Variants in RFTN1 observed in about 807,000 individuals in gnomAD.
RFTN1 encodes the protein raftlin, lipid raft linker 1, also known as raftlin.
RFTN1 carries 26 observed loss-of-function variants against 46.5 expected under a neutral mutation model. The observed-to-expected ratio is 0.56, with a 90% CI of 0.41 to 0.78. The LOEUF is 0.78. Ranked by LOEUF, RFTN1 falls within the 30% of genes least tolerant of loss-of-function variation. The pLI is 0.00. For synonymous variants in RFTN1, 261 were observed against 284.2 expected, an observed-to-expected ratio of 0.92 and a Z score of 0.82; for missense variants, 693 against 718.7, an observed-to-expected ratio of 0.96 and a Z score of 0.41.
In RFTN1 at chr3:16,466,106, G is replaced by A. The variant is rs891077799; in HGVS notation, c.145+27619C>T. Among the ~76,000 whole-genome samples, 2 of 152,116 alleles carry A rather than the reference G, an allele frequency of 1.3e-5. No homozygotes were observed. The highest frequency in any genetic ancestry group is 2.4e-5 in the African/African-American group (1 of 41,410). On this transcript the variant is annotated intron_variant, in intron 2 of 9. Transcript: ENST00000334133. The surrounding 1 kb of genome is among the most constrained non-coding windows in gnomAD (Gnocchi z 5.6). Reference sequence around the variant, plus strand: ...GTGGCTCCCCAGTGCTCAATTTTGGGGTCCAAGCGCTTGAATGCAGGATAC... The same window carrying A: ...GTGGCTCCCCAGTGCTCAATTTTGGAGTCCAAGCGCTTGAATGCAGGATAC...
At chr3:16,497,202 A>G (rs1397612864) in intron 1 of RFTN1, among the ~76,000 whole-genome samples, 2 of 152,198 alleles carry the variant, frequency 1.3e-5, no homozygotes, top group Non-Finnish European at 2.9e-5. Flanking sequence ...GTGCTTTCCC[A>G]TACTTACACT....
rs1026466499 is a variant in RFTN1 at position 16,320,598 on chromosome 3, GAGA to G, written c.1332+2775_1332+2777del. Among the ~76,000 whole-genome samples, 6 of 152,246 alleles carry G rather than the reference GAGA, an allele frequency of 3.9e-5. No individual in the cohort carries two copies. The highest frequency in any genetic ancestry group is 6.5e-5 in the Admixed American group (1 of 15,290). ...AAAAGCCCAAAGGAGAGCTCTGAAG[GAGA>G]AGAACGTGGTTCTTTTCCAGGGTAG... On this transcript the variant is annotated intron_variant, in intron 9 of 9. Coordinates refer to ENST00000334133, the MANE Select transcript of RFTN1 (RefSeq NM_015150.2). This position sits in a 1 kb window ranked among gnomAD's most constrained non-coding sequence, Gnocchi z 4.5.
intron 6 of RFTN1, among the ~76,000 whole-genome samples, chr3:16,358,700 G>A (rs1410603876): frequency 6.6e-6 from 1 of 152,104 alleles, no homozygotes; most frequent in African/African-American, 2.4e-5. Flanking sequence ...GAAATGTATA[G>A]CATGATCAAG....
intron 2 of RFTN1, chr3:16,482,923 A>G (rs567737376): frequency 1.7e-6 from 2 of 1,203,570 alleles, no homozygotes; most frequent in South Asian, 2.8e-5. Flanking sequence ...GTCCCGCCCC[A>G]CCCAACTCTG....
rs868375518 is a variant in RFTN1 at position 16,426,577 on chromosome 3, G to A, written c.332+7274C>T. 1.3e-5 allele frequency among the ~76,000 whole-genome samples: 2 copies of A among 151,676 alleles called. No individual in the cohort carries two copies. The highest frequency in any genetic ancestry group is 4.9e-5 in the African/African-American group (2 of 41,226). The stretch of plus-strand genomic sequence containing the variant: ...TTTCTTTGAAGGCCATCCTTTGAAT[G>A]TCTTTTAAAAGAAAAAGAAGAGTGA... On this transcript the variant is annotated intron_variant, in intron 3 of 9. Coordinates refer to ENST00000334133, the MANE Select transcript of RFTN1 (RefSeq NM_015150.2). The surrounding 1 kb of genome is among the most constrained non-coding windows in gnomAD (Gnocchi z 5.9).
In RFTN1 at chr3:16,338,338, C is replaced by T. The variant is rs762020962; in HGVS notation, c.1147-11462G>A. Among the ~76,000 whole-genome samples the T allele has an allele frequency of 3.3e-5, 5 of 152,228 alleles. No homozygotes were observed. Among genetic ancestry groups the T allele is most frequent in the Admixed American group, 6.5e-5 (1 of 15,294 alleles). On this transcript the variant is annotated intron_variant, in intron 7 of 9. Transcript: ENST00000334133. The surrounding 1 kb of genome is among the most constrained non-coding windows in gnomAD (Gnocchi z 5.3). ...GAAGGTAATGAGGCCGGACATGCGG[C>T]GGCTAAGGGGCGATGGCTGGGGCCA... is the stretch of plus-strand genomic sequence containing the variant.
In RFTN1 at chr3:16,335,776, TA is replaced by T. The variant is rs540104859; in HGVS notation, c.1147-8901del. On this transcript the variant is annotated intron_variant, in intron 7 of 9. Coordinates refer to ENST00000334133, the MANE Select transcript of RFTN1 (RefSeq NM_015150.2). The surrounding 1 kb of genome is among the most constrained non-coding windows in gnomAD (Gnocchi z 4.7). ...ATCCTGCACTTGCACCCTGGAACTT[TA>T]AAAAAAAAAAAAAAAAAAGGAGTTT... Among the ~76,000 whole-genome samples the T allele has an allele frequency of 0.078, 10,604 of 136,586 alleles. 411 individuals are homozygous for T. The highest frequency in any genetic ancestry group is 0.16 in the East Asian group (747 of 4,640). The allele number at this position is 136,586 out of a possible 152,430, so 89.6% of individuals were successfully genotyped here.
intron 2 of RFTN1, among the ~76,000 whole-genome samples, chr3:16,486,937 C>T (rs1161539324): frequency 2.0e-5 from 3 of 152,208 alleles, no homozygotes; most frequent in Non-Finnish European, 4.4e-5. Context: ...CTTGTGCTCG[C>T]TCCTGTTCTC....
At position 16,336,882 on chromosome 3, in the gene RFTN1, T is replaced by G. The variant is rs1211711964; in HGVS notation, c.1147-10006A>C. 1.3e-5 allele frequency among the ~76,000 whole-genome samples: 2 copies of G among 152,190 alleles called. No homozygotes were observed. Among genetic ancestry groups the G allele is most frequent in the African/African-American group, 4.8e-5 (2 of 41,444 alleles). ...AAAAATAATAATTGTTATTATTACA[T>G]GAAACATATTGTTTGGAAGAATGGT... On this transcript the variant is annotated intron_variant, in intron 7 of 9. Coordinates refer to ENST00000334133, the MANE Select transcript of RFTN1 (RefSeq NM_015150.2). This position sits in a 1 kb window ranked among gnomAD's most constrained non-coding sequence, Gnocchi z 6.0.
chr3:16,448,026 CA>C lies in RFTN1; in HGVS notation c.146-13990del, dbSNP rs1402762129. ...TCCTCCCTTCCATCCAGGGAGCCAC[CA>C]GCCACATGTGGCTATCGAGCATCTG... is the stretch of plus-strand genomic sequence containing the variant. On this transcript the variant is annotated intron_variant, in intron 2 of 9. Coordinates refer to ENST00000334133, the MANE Select transcript of RFTN1 (RefSeq NM_015150.2). The surrounding 1 kb of genome is among the most constrained non-coding windows in gnomAD (Gnocchi z 4.1). Among the ~76,000 whole-genome samples, 1 of 151,562 alleles carries C rather than the reference CA, an allele frequency of 6.6e-6. No individual in the cohort carries two copies. Among genetic ancestry groups the C allele is most frequent in the Admixed American group, 6.6e-5 (1 of 15,238 alleles).
chr3:16,368,081 G>T (rs1272925245), intron 6 of RFTN1, among the ~76,000 whole-genome samples: 1 of 151,990 alleles, frequency 6.6e-6, no homozygotes, highest in Non-Finnish European at 1.5e-5. Context: ...GGGATGAAAG[G>T]AGCCACTGTT....
At chr3:16,372,505 C>G (rs1456691589) in intron 5 of RFTN1, among the ~76,000 whole-genome samples, 1 of 152,140 alleles carries the variant, frequency 6.6e-6, no homozygotes, top group African/African-American at 2.4e-5. Context: ...CTGCTACAGT[C>G]AAGCACAAAT....
chr3:16,400,470 T>C lies in RFTN1; in HGVS notation c.441+8905A>G, dbSNP rs140861900. Among the ~76,000 whole-genome samples the C allele has an allele frequency of 2.0e-5, 3 of 152,360 alleles. No individual in the cohort carries two copies. The highest frequency in any genetic ancestry group is 4.4e-5 in the Non-Finnish European group (3 of 68,038). On this transcript the variant is annotated intron_variant, in intron 4 of 9. Transcript: ENST00000334133. This position sits in a 1 kb window ranked among gnomAD's most constrained non-coding sequence, Gnocchi z 4.5. ...CCCTCATGTGCCCATCTGCTCTGTG[T>C]CTGTGCCCTCAGCTAGACTCTAAGT...
rs1263766504 is a variant in RFTN1, at chr3:16,404,275, A to T, written c.441+5100T>A. Among the ~76,000 whole-genome samples, 16 of 13,848 alleles carry T rather than the reference A, an allele frequency of 1.2e-3. 3 individuals are homozygous for T. The highest frequency in any genetic ancestry group is 2.4e-3 in the East Asian group (1 of 418). 9.1% of individuals were successfully genotyped at this position (13,848 alleles called of 152,430 possible). On this transcript the variant is annotated intron_variant, in intron 4 of 9. Coordinates refer to ENST00000334133, the MANE Select transcript of RFTN1 (RefSeq NM_015150.2). ...ATAATATATAATATATAATATATAT[A>T]ATATGTAATATATAATATATATAAT...
chr3:16,365,313 T>C (rs1231467776), intron 6 of RFTN1, among the ~76,000 whole-genome samples: 1 of 152,220 alleles, frequency 6.6e-6, no homozygotes, highest in Non-Finnish European at 1.5e-5. Flanking sequence ...ACTGGCATTA[T>C]TGAGCATCAT....
intron 8 of RFTN1, among the ~76,000 whole-genome samples, chr3:16,326,403 T>C (rs1409563166): frequency 6.6e-6 from 1 of 152,244 alleles, no homozygotes; most frequent in Non-Finnish European, 1.5e-5. Context: ...TTTTCTTTTC[T>C]TTTTGAGGAC....
At chr3:16,347,631 CCT>C (rs1291706625) in intron 7 of RFTN1, 1 of 152,232 alleles carries the variant, frequency 6.6e-6, no homozygotes, top group Non-Finnish European at 1.5e-5. Flanking sequence ...TGCACACTCA[CCT>C]CTGTGTGTAC....
At position 16,447,556 on chromosome 3, in the gene RFTN1, C is replaced by A. The variant is rs560305014; in HGVS notation, c.146-13519G>T. Among the ~76,000 whole-genome samples, 1 of 152,198 alleles carries A rather than the reference C, an allele frequency of 6.6e-6. No homozygotes were observed. The highest frequency in any genetic ancestry group is 1.5e-5 in the Non-Finnish European group (1 of 67,994). ...GCATTTTGGTTCCCACTAAAGAAAA[C>A]GGGGTCCCTAATGGTGTTTGGGGGC... On this transcript the variant is annotated intron_variant, in intron 2 of 9. Coordinates refer to ENST00000334133, the MANE Select transcript of RFTN1 (RefSeq NM_015150.2). This position sits in a 1 kb window ranked among gnomAD's most constrained non-coding sequence, Gnocchi z 5.9.
At chr3:16,343,886 T>C in intron 7 of RFTN1, among the ~76,000 whole-genome samples, 1 of 152,194 alleles carries the variant, frequency 6.6e-6, no homozygotes, top group South Asian at 2.1e-4. Context: ...CAAAGCCAGC[T>C]GATAGTCTTA....
Sources: gnomAD v4.1 joint callset for allele counts (sites outside exome capture counted in the v4.1 genomes callset) on GRCh38, gnomAD v4.1.1 for gene constraint, Gnocchi (gnomAD v3.1) non-coding constraint, MANE v1.5 for transcripts, NCBI Gene and HGNC (gene_info 2026-07-23, HGNC 2026-07-21) for gene names.